The following TBC1D14 variants were observed in gnomAD, a reference collection of about 807,000 sequenced individuals.
The protein encoded by TBC1D14 is TBC1 domain family member 14, also known as TBC1 domain family, member 14.
In TBC1D14, 26 loss-of-function variants were observed where a neutral mutation model predicts 79.0. The observed-to-expected ratio is 0.33, with a 90% CI of 0.24 to 0.46. The LOEUF (loss-of-function observed/expected upper bound fraction) is 0.46, where lower values mean the gene tolerates loss of function less well. Among genes scored for constraint, TBC1D14 ranks in the 20% least tolerant of loss-of-function variants. The probability of loss-of-function intolerance (pLI) is 1.00; values close to 1 mark genes in which losing one functional copy is unlikely to be tolerated. For synonymous variants in TBC1D14, 394 were observed against 349.9 expected, an observed-to-expected ratio of 1.13 and a Z score of -1.40; for missense variants, 769 against 887.6, an observed-to-expected ratio of 0.87 and a Z score of 1.70.
In TBC1D14 at chr4:6,923,572, C is replaced by T; in HGVS notation, c.183C>T (p.Leu61=). The T allele has an allele frequency of 6.2e-7, 1 of 1,614,112 alleles. No homozygotes were observed. Among genetic ancestry groups the T allele is most frequent in the Non-Finnish European group, 8.5e-7 (1 of 1,180,004 alleles). ...KLRALEDRHS[L]QSVDSGIPTL... ...GGGCTTTAGAAGACCGGCACAGCCT[C>T]CAGTCCGTGGACTCGGGGATTCCTA... The change falls in exon 2 of 14, where the codon CTC becomes CTT. Residue 61 remains leucine (L), a synonymous_variant. Transcript: ENST00000409757.
At chr4:6,949,202 C>T (rs979949026) in intron 2 of TBC1D14, among the ~76,000 whole-genome samples, 7 of 151,948 alleles carry the variant, frequency 4.6e-5, no homozygotes, top group African/African-American at 9.7e-5. Flanking sequence ...CAGCGGCTCA[C>T]GCCTGTAATC....
chr4:7,025,342 C>A (rs1722253470), intron 13 of TBC1D14, 80 bp downstream of exon 13: 2 of 1,576,080 alleles, frequency 1.3e-6, no homozygotes, highest in South Asian at 1.2e-5. Context: ...ACGTAAAGTG[C>A]TGTCTGAGGA....
At chr4:7,001,437 T>C (rs755299181) in intron 7 of TBC1D14, 186 bp downstream of exon 7, 123 of 572,210 alleles carry the variant, frequency 2.1e-4, no homozygotes, top group Middle Eastern at 4.8e-4. Flanking sequence ...TGCACTCCGG[T>C]TACCTGACAG....
chr4:6,932,020 A>G (rs1711798568), intron 2 of TBC1D14, among the ~76,000 whole-genome samples: 1 of 151,984 alleles, frequency 6.6e-6, no homozygotes, highest in Non-Finnish European at 1.5e-5. Flanking sequence ...TACACAATGA[A>G]TAGACTGGTC....
chr4:6,919,939 G>A (rs1000658188), intron 1 of TBC1D14, among the ~76,000 whole-genome samples: 3 of 152,190 alleles, frequency 2.0e-5, no homozygotes, highest in Non-Finnish European at 4.4e-5. Context: ...TTTTGAAATA[G>A]CGTCTCGCTG....
At chr4:7,006,555 G>A (rs1720214702) in intron 8 of TBC1D14, 77 bp from the exon 9 acceptor site, 5 of 1,382,744 alleles carry the variant, frequency 3.6e-6, no homozygotes, top group East Asian at 2.3e-5. Context: ...TTTTGTTCTT[G>A]TAAAACTTCA....
chr4:6,925,764 G>C (rs1359733170), intron 2 of TBC1D14, among the ~76,000 whole-genome samples: 1 of 152,158 alleles, frequency 6.6e-6, no homozygotes, highest in East Asian at 1.9e-4. Context: ...GCCATATCGC[G>C]GTGTTGCTGT....
intron 12 of TBC1D14, among the ~76,000 whole-genome samples, chr4:7,018,845 A>G (rs545605009): frequency 6.6e-6 from 1 of 152,360 alleles, no homozygotes; most frequent in South Asian, 2.1e-4. Context: ...CACTTCTGAA[A>G]ATATTTCCCA....
At chr4:6,920,380 T>A (rs2108913510) in intron 1 of TBC1D14, among the ~76,000 whole-genome samples, 1 of 152,134 alleles carries the variant, frequency 6.6e-6, no homozygotes, top group East Asian at 1.9e-4. Context: ...GCTCAAGTGG[T>A]CCTCCTGCCC....
intron 12 of TBC1D14, among the ~76,000 whole-genome samples, chr4:7,017,370 A>C (rs1721388603): frequency 6.6e-6 from 1 of 152,208 alleles, no homozygotes; most frequent in Non-Finnish European, 1.5e-5. Context: ...TCCTGATGCC[A>C]GCCAAATGCA....
At chr4:7,025,582 C>G (rs928679279) in intron 13 of TBC1D14, among the ~76,000 whole-genome samples, 1 of 152,176 alleles carries the variant, frequency 6.6e-6, no homozygotes, top group African/African-American at 2.4e-5. Flanking sequence ...AAGCCACGTA[C>G]CCCCCTTTTT....
chr4:6,997,329 A>G (rs1719160534), intron 5 of TBC1D14: 1 of 152,182 alleles, frequency 6.6e-6, no homozygotes, highest in Non-Finnish European at 1.5e-5. Flanking sequence ...GCCTTTCTAA[A>G]AATAAAAATA....
At chr4:7,015,885 A>T (rs1195280581) in intron 12 of TBC1D14, among the ~76,000 whole-genome samples, 1 of 152,246 alleles carries the variant, frequency 6.6e-6, no homozygotes. Flanking sequence ...GGGGCTCCGC[A>T]GAAGTAAAGA....
At chr4:6,997,494 C>T (rs1719179183) in intron 5 of TBC1D14, among the ~76,000 whole-genome samples, 1 of 152,104 alleles carries the variant, frequency 6.6e-6, no homozygotes. Flanking sequence ...GGTGTGGTGG[C>T]ACATGCCTGT....
At chr4:6,988,885 C>CTTTCT (rs748889966) in intron 3 of TBC1D14, among the ~76,000 whole-genome samples, 905 of 76,946 alleles carry the variant, frequency 0.012, 25 homozygotes, top group African/African-American at 0.031. Flanking sequence ...TTCTTTCTTT[C>CTTTCT]TTTTTTTTTT....
intron 4 of TBC1D14, chr4:6,995,238 GTA>G (rs1443479206): frequency 1.3e-4 from 20 of 152,202 alleles, no homozygotes; most frequent in African/African-American, 4.3e-4. Flanking sequence ...GCACATCTGT[GTA>G]TATGTCAAAA....
chr4:6,928,799 A>G (rs985103630), intron 2 of TBC1D14, among the ~76,000 whole-genome samples: 1 of 152,210 alleles, frequency 6.6e-6, no homozygotes, highest in African/African-American at 2.4e-5. Flanking sequence ...TTGTCCAAGG[A>G]TACAGGGAAA....
intron 1 of TBC1D14, among the ~76,000 whole-genome samples, chr4:6,913,287 G>A (rs1297943279): frequency 2.6e-5 from 4 of 152,180 alleles, no homozygotes; most frequent in African/African-American, 9.6e-5. Context: ...GAGCCACCAC[G>A]CCTGGCCTAT....
intron 3 of TBC1D14, among the ~76,000 whole-genome samples, chr4:6,980,981 C>T (rs560583202): frequency 6.6e-6 from 1 of 151,124 alleles, no homozygotes; most frequent in East Asian, 1.9e-4. Flanking sequence ...TCCCAAAGTG[C>T]TGGGATTACA....
Sources: allele counts gnomAD v4.1 joint callset (sites outside exome capture counted in the v4.1 genomes callset), GRCh38; gene constraint gnomAD v4.1.1; transcripts MANE v1.5; gene names NCBI Gene and HGNC (gene_info 2026-07-23, HGNC 2026-07-21).